Variants in BBS9 observed in about 807,000 individuals in gnomAD.
BBS9 encodes the protein Bardet-Biedl syndrome 9.
A neutral mutation model predicts 117.7 loss-of-function variants in BBS9; 89 were observed. That is an observed-to-expected ratio of 0.76 (90% CI 0.64 to 0.90). The LOEUF (loss-of-function observed/expected upper bound fraction) is 0.90, where lower values mean the gene tolerates loss of function less well. Ranked by LOEUF, BBS9 falls within the 40% of genes least tolerant of loss-of-function variation. BBS9 has a pLI of 0.00. For synonymous variants in BBS9, 379 were observed against 370.9 expected (o/e 1.02, Z -0.25); for missense variants, 982 against 1,042.2 (o/e 0.94, Z 0.80).
chr7:33,304,770 T>A (rs557421389), intron 9 of BBS9, among the ~76,000 whole-genome samples: 8 of 152,178 alleles, frequency 5.3e-5, no homozygotes, highest in African/African-American at 1.9e-4. Flanking sequence ...CATAGGAGAC[T>A]CCATTTTGTT....
At chr7:33,522,335 A>G (rs1848751592) in intron 20 of BBS9, among the ~76,000 whole-genome samples, 1 of 151,672 alleles carries the variant, frequency 6.6e-6, no homozygotes, top group African/African-American at 2.4e-5. Flanking sequence ...GACTTCCACA[A>G]TGGTTGAACT....
At chr7:33,305,109 G>A (rs1807602295) in intron 9 of BBS9, among the ~76,000 whole-genome samples, 1 of 142,628 alleles carries the variant, frequency 7.0e-6, no homozygotes, top group Non-Finnish European at 1.5e-5. Flanking sequence ...CCCTCTCCGA[G>A]AAACACCCAA....
chr7:33,293,587 A>G (rs902643304), intron 9 of BBS9, among the ~76,000 whole-genome samples: 3 of 152,168 alleles, frequency 2.0e-5, no homozygotes, highest in Admixed American at 6.5e-5. Flanking sequence ...AATTTATAAT[A>G]AAATGAAGTG....
chr7:33,267,246 A>G (rs1355126284), intron 7 of BBS9, among the ~76,000 whole-genome samples: 1 of 152,010 alleles, frequency 6.6e-6, no homozygotes, highest in Non-Finnish European at 1.5e-5. Context: ...TCTTTTGATT[A>G]GTGTTATTCT....
At chr7:33,168,000 T>C (rs1795961503) in intron 4 of BBS9, among the ~76,000 whole-genome samples, 1 of 152,234 alleles carries the variant, frequency 6.6e-6, no homozygotes, top group Admixed American at 6.5e-5. Flanking sequence ...CCAGACATAC[T>C]AGAATTTTAG....
At chr7:33,506,872 A>G (rs1846219236) in intron 20 of BBS9, among the ~76,000 whole-genome samples, 1 of 152,242 alleles carries the variant, frequency 6.6e-6, no homozygotes, top group African/African-American at 2.4e-5. Context: ...GAAACTAGAA[A>G]TGGAGACACA....
chr7:33,178,159 G>A (rs895394593), intron 5 of BBS9, among the ~76,000 whole-genome samples: 3 of 152,182 alleles, frequency 2.0e-5, no homozygotes, highest in African/African-American at 4.8e-5. Context: ...TGTGTGGGTC[G>A]TTTCTGCACA....
intron 19 of BBS9, among the ~76,000 whole-genome samples, chr7:33,492,342 A>G (rs1844103093): frequency 6.6e-6 from 1 of 151,898 alleles, no homozygotes; most frequent in Non-Finnish European, 1.5e-5. Context: ...TTTAAGTTGT[A>G]TCTCATTTAA....
chr7:33,170,118 C>G (rs1796310948), intron 4 of BBS9, among the ~76,000 whole-genome samples: 1 of 151,720 alleles, frequency 6.6e-6, no homozygotes, highest in African/African-American at 2.4e-5. Flanking sequence ...CAGCATCATT[C>G]TGATACCAAA....
chr7:33,525,246 T>C (rs1340837529), intron 20 of BBS9, among the ~76,000 whole-genome samples: 1 of 148,490 alleles, frequency 6.7e-6, no homozygotes, highest in Non-Finnish European at 1.5e-5. Flanking sequence ...TGGAGAGTTC[T>C]GTAGATGTCT....
chr7:33,357,768 T>C (rs1819872084), intron 15 of BBS9, 87 bp from the exon 16 acceptor site: 3 of 1,389,894 alleles, frequency 2.2e-6, no homozygotes, highest in Non-Finnish European at 3.1e-6. Context: ...CCAAGATATA[T>C]TGCTGCTCAA....
Position 33,605,174 on chromosome 7 carries a change from TCTTA to T in BBS9, c.2633-18_2633-15del. Reference sequence around the variant, plus strand: ...TTCAGATCTTTTCTCTCTCTTTCTCTCTTACTCTCTTTTTTTCCAGAAGTTTCAC... The same window carrying T: ...TTCAGATCTTTTCTCTCTCTTTCTCTCTCTCTTTTTTTCCAGAAGTTTCAC... On this transcript the variant is annotated splice_polypyrimidine_tract_variant and intron_variant, in intron 22 of 22. Transcript: ENST00000242067. 1.2e-6 allele frequency: 2 copies of T among 1,603,956 alleles called. No individual in the cohort carries two copies. The highest frequency in any genetic ancestry group is 1.7e-6 in the Non-Finnish European group (2 of 1,170,710).
chr7:33,180,451 C>G (rs901818522), intron 5 of BBS9, among the ~76,000 whole-genome samples: 2 of 150,364 alleles, frequency 1.3e-5, no homozygotes, highest in Non-Finnish European at 3.0e-5. Context: ...ACCTCCGACT[C>G]CCTGGTTCAA....
At chr7:33,328,718 C>G (rs1584346163) in intron 9 of BBS9, among the ~76,000 whole-genome samples, 1 of 152,246 alleles carries the variant, frequency 6.6e-6, no homozygotes, top group African/African-American at 2.4e-5. Flanking sequence ...AACATTAGGT[C>G]CAATGCATGT....
At chr7:33,506,290 T>G (rs1237900677) in intron 20 of BBS9, among the ~76,000 whole-genome samples, 2 of 152,196 alleles carry the variant, frequency 1.3e-5, no homozygotes, top group Non-Finnish European at 2.9e-5. Flanking sequence ...GGGGGACTTT[T>G]TGTGTGCTTT....
At chr7:33,231,418 G>A (rs1344906800) in intron 5 of BBS9, among the ~76,000 whole-genome samples, 1 of 118,664 alleles carries the variant, frequency 8.4e-6, no homozygotes. Flanking sequence ...TGTTCCTCTG[G>A]CCTATGTGTC....
At chr7:33,625,863 G>T (rs535421993) in intron 21 of BBS9, among the ~76,000 whole-genome samples, 2 of 152,280 alleles carry the variant, frequency 1.3e-5, no homozygotes, top group East Asian at 3.9e-4. Flanking sequence ...AATCATCTTA[G>T]TTAAGCTCTC....
At chr7:33,247,353 G>C (rs1347138158) in intron 5 of BBS9, among the ~76,000 whole-genome samples, 2 of 152,022 alleles carry the variant, frequency 1.3e-5, no homozygotes, top group Non-Finnish European at 2.9e-5. Context: ...GCTCCCAGGG[G>C]TCTGGGATAA....
chr7:33,247,961 T>G (rs1401636968), intron 5 of BBS9, among the ~76,000 whole-genome samples: 1 of 152,214 alleles, frequency 6.6e-6, no homozygotes, highest in Admixed American at 6.5e-5. Flanking sequence ...ATTAACCTTG[T>G]TCACAGTTTA....
Sources: allele counts gnomAD v4.1 joint callset (sites outside exome capture counted in the v4.1 genomes callset), GRCh38; gene constraint gnomAD v4.1.1; transcripts MANE v1.5; gene names NCBI Gene and HGNC (gene_info 2026-07-23, HGNC 2026-07-21).